CACNA2D3: variants seen among roughly 807,000 people sequenced by gnomAD.
The protein encoded by CACNA2D3 is voltage-dependent calcium channel subunit alpha-2/delta-3.
A neutral mutation model predicts 160.6 loss-of-function variants in CACNA2D3; 60 were observed. The ratio of observed to expected loss-of-function variants is 0.37; its 90% CI spans 0.30 to 0.46. The LOEUF (loss-of-function observed/expected upper bound fraction) is 0.46, where lower values mean the gene tolerates loss of function less well. CACNA2D3 is among the 20% of genes least tolerant of loss of function. The probability of loss-of-function intolerance (pLI) is 1.00; values close to 1 mark genes in which losing one functional copy is unlikely to be tolerated. For synonymous variants in CACNA2D3, 558 were observed against 492.9 expected (o/e 1.13, Z -1.75); for missense variants, 1,205 against 1,365.0 (o/e 0.88, Z 1.85).
At chr3:54,641,978 A>G (rs1321701391) in intron 10 of CACNA2D3, 150 bp from the exon 11 acceptor site, 12 of 503,888 alleles carry the variant, frequency 2.4e-5, no homozygotes, top group African/African-American at 4.0e-5. Context: ...ATCTGTGTGG[A>G]AAGACTTTTT....
intron 11 of CACNA2D3, among the ~76,000 whole-genome samples, chr3:54,684,694 T>C (rs515920): frequency 0.42 from 64,247 of 151,902 alleles, 15,110 homozygotes; most frequent in Non-Finnish European, 0.51. Context: ...CTTTCACATT[T>C]CCTGAGAAGC....
intron 35 of CACNA2D3, among the ~76,000 whole-genome samples, chr3:55,030,421 T>C (rs546050582): frequency 1.8e-4 from 28 of 152,296 alleles, no homozygotes; most frequent in Admixed American, 5.9e-4. Context: ...ATTATGGGTA[T>C]GGGGCCAGGT....
In CACNA2D3 at chr3:54,371,254, A is replaced by G. The variant is rs376363752; in HGVS notation, c.322-15461A>G. 3.7e-4 allele frequency among the ~76,000 whole-genome samples: 56 copies of G among 152,260 alleles called. No individual in the cohort carries two copies. In the East Asian group the frequency reaches 4.8e-3, roughly 13 times the overall value. ...TCTAGGAGTCGAATTGCTGGGTCAT[A>G]TGGTAACTCTTGTATTTAACCTTTT... is the stretch of plus-strand genomic sequence containing the variant. On this transcript the variant is annotated intron_variant, in intron 3 of 37. Coordinates refer to ENST00000474759, the MANE Select transcript of CACNA2D3 (RefSeq NM_018398.3).
intron 8 of CACNA2D3, among the ~76,000 whole-genome samples, chr3:54,574,010 G>C (rs1702542111): frequency 6.6e-6 from 1 of 152,120 alleles, no homozygotes; most frequent in African/African-American, 2.4e-5. Context: ...AAGTGCAGGG[G>C]AATGGGATAT....
chr3:54,321,605 G>A (rs1327251498), intron 3 of CACNA2D3, among the ~76,000 whole-genome samples: 1 of 152,132 alleles, frequency 6.6e-6, no homozygotes, highest in East Asian at 1.9e-4. Context: ...GTGGATGTTA[G>A]TATTATCCCC....
intron 34 of CACNA2D3, among the ~76,000 whole-genome samples, chr3:55,016,358 TCAAA>T (rs1703326836): frequency 6.6e-6 from 1 of 152,206 alleles, no homozygotes; most frequent in Non-Finnish European, 1.5e-5. Context: ...CATTTGATTC[TCAAA>T]CAACCACACA....
In CACNA2D3 at chr3:54,350,974, TTTTTTTTGTTTG is replaced by T. The variant is rs1294178064; in HGVS notation, c.321+30424_321+30435del. On this transcript the variant is annotated intron_variant, in intron 3 of 37. Coordinates refer to ENST00000474759, the MANE Select transcript of CACNA2D3 (RefSeq NM_018398.3). ...ATTTTGAGATCTTGAGTCTGTTTTT[TTTTTTTTGTTTG>T]TTTTTTTTTTTTTTTTTTTTGAGAC... is the stretch of plus-strand genomic sequence containing the variant. 5.7e-3 allele frequency among the ~76,000 whole-genome samples: 255 copies of T among 45,012 alleles called. 54 individuals carry two copies. Among genetic ancestry groups the T allele is most frequent in the Middle Eastern group, 0.012 (1 of 84 alleles). The allele number at this position is 45,012 out of a possible 152,430, so 29.5% of individuals were successfully genotyped here. A position where few individuals can be genotyped will look rare whatever the true frequency, so the allele number is the denominator to read the frequency against.
At chr3:54,744,561 G>C (rs1701714926) in intron 11 of CACNA2D3, among the ~76,000 whole-genome samples, 2 of 152,172 alleles carry the variant, frequency 1.3e-5, no homozygotes, top group South Asian at 4.1e-4. Context: ...TAGCTCTAGT[G>C]TTCCTGATTA....
chr3:54,813,197 G>T (rs144902558), intron 13 of CACNA2D3, among the ~76,000 whole-genome samples: 1 of 152,288 alleles, frequency 6.6e-6, no homozygotes, highest in African/African-American at 2.4e-5. Context: ...GAATCCTACA[G>T]TCTGCGGTGT....
At chr3:54,569,627 A>G (rs1414434495) in intron 6 of CACNA2D3, among the ~76,000 whole-genome samples, 168 bp from the exon 7 acceptor site, 1 of 152,234 alleles carries the variant, frequency 6.6e-6, no homozygotes, top group East Asian at 1.9e-4. Context: ...TTATGGCCCA[A>G]CAGCTCCTTC....
chr3:54,763,578 T>C (rs1431825153), intron 12 of CACNA2D3, among the ~76,000 whole-genome samples: 1 of 150,650 alleles, frequency 6.6e-6, no homozygotes, highest in Non-Finnish European at 1.5e-5. Context: ...AACTGTCATT[T>C]GTACCAGGGA....
chr3:55,068,807 T>C (rs76454533), intron 35 of CACNA2D3, among the ~76,000 whole-genome samples: 1,701 of 152,298 alleles, frequency 0.011, 34 homozygotes, highest in African/African-American at 0.038. Context: ...CAGTGAACGT[T>C]GCTACCAAGA....
intron 5 of CACNA2D3, among the ~76,000 whole-genome samples, chr3:54,515,031 G>A (rs1701525183): frequency 6.6e-6 from 1 of 152,138 alleles, no homozygotes; most frequent in African/African-American, 2.4e-5. Context: ...ATCATGGAAC[G>A]TCTCAGAAGG....
intron 13 of CACNA2D3, among the ~76,000 whole-genome samples, chr3:54,779,093 A>G (rs1238010568): frequency 2.6e-5 from 4 of 151,894 alleles, no homozygotes; most frequent in African/African-American, 9.7e-5. Flanking sequence ...GCCCACTGTT[A>G]CAACAGAAGG....
chr3:54,183,211 ATTT>A (rs772005648), intron 2 of CACNA2D3, among the ~76,000 whole-genome samples: 1 of 81,440 alleles, frequency 1.2e-5, no homozygotes, highest in Non-Finnish European at 2.4e-5. Context: ...CATAAAGAAA[ATTT>A]TTTTTTTTTT....
chr3:54,159,002 G>A (rs1055492310), intron 2 of CACNA2D3, among the ~76,000 whole-genome samples: 2 of 152,206 alleles, frequency 1.3e-5, no homozygotes, highest in African/African-American at 2.4e-5. Context: ...AGAGTCACGT[G>A]TCTGTTCACA....
intron 13 of CACNA2D3, among the ~76,000 whole-genome samples, chr3:54,794,528 A>G (rs964803509): frequency 1.3e-5 from 2 of 150,794 alleles, no homozygotes; most frequent in Non-Finnish European, 2.9e-5. Flanking sequence ...AATTGGAATA[A>G]TTTTTCTTCA....
At chr3:54,833,485 AC>A (rs1703923623) in intron 14 of CACNA2D3, among the ~76,000 whole-genome samples, 1 of 152,106 alleles carries the variant, frequency 6.6e-6, no homozygotes, top group African/African-American at 2.4e-5. Flanking sequence ...AGTAGCAGCT[AC>A]AGGTTGGGGG....
At chr3:55,016,639 A>T (rs1703332481) in intron 34 of CACNA2D3, among the ~76,000 whole-genome samples, 2 of 152,214 alleles carry the variant, frequency 1.3e-5, no homozygotes, top group African/African-American at 2.4e-5. Context: ...TTGTTCATTT[A>T]TTCCTCAGAA....
Sources: gnomAD v4.1 joint callset for allele counts (sites outside exome capture counted in the v4.1 genomes callset) on GRCh38, gnomAD v4.1.1 for gene constraint, MANE v1.5 for transcripts, NCBI Gene and HGNC (gene_info 2026-07-23, HGNC 2026-07-21) for gene names.